SDAD1: variants seen among roughly 807,000 people sequenced by gnomAD.
SDAD1 encodes SDA1 domain containing 1, also known as protein SDA1 homolog.
A neutral mutation model predicts 100.3 loss-of-function variants in SDAD1; 79 were observed. That is an observed-to-expected ratio of 0.79 (90% CI 0.66 to 0.95). The LOEUF is 0.95. Among genes scored for constraint, SDAD1 ranks in the 40% least tolerant of loss-of-function variants. The pLI is 0.00. For synonymous variants in SDAD1, 267 were observed against 271.4 expected (o/e 0.98, Z 0.16); for missense variants, 790 against 810.9 (o/e 0.97, Z 0.31).
rs1016919113 is a variant in SDAD1 at position 75,950,494 on chromosome 4, T to TAGGC, written c.*252_*255dup. 5 of 398,408 alleles carry TAGGC rather than the reference T, an allele frequency of 1.3e-5. No homozygotes were observed. Among genetic ancestry groups the TAGGC allele is most frequent in the Non-Finnish European group, 2.3e-5 (5 of 213,830 alleles). 24.7% of individuals were successfully genotyped at this position (398,408 alleles called of 1,614,324 possible). ...GTTTTGCATCTACAGTGACAATGAATAGGCACTCAATACATACTTTTTTTT... is the reference window on the plus strand; with the variant it reads ...GTTTTGCATCTACAGTGACAATGAATAGGCAGGCACTCAATACATACTTTTTTTT... On this transcript the variant is annotated 3_prime_UTR_variant, in exon 22 of 22. Coordinates refer to ENST00000356260, the MANE Select transcript of SDAD1 (RefSeq NM_018115.4).
At position 75,950,597 on chromosome 4, in the gene SDAD1, A is replaced by G; in HGVS notation, c.*153T>C. On this transcript the variant is annotated 3_prime_UTR_variant, in exon 22 of 22. Transcript: ENST00000356260. ...ATTCCTACCATTAGCCGTCTCCAAA[A>G]TAAAAACACAAAATTGCTGCCACAT... The G allele has an allele frequency of 4.0e-6, 2 of 496,212 alleles. No individual in the cohort carries two copies. Among genetic ancestry groups the G allele is most frequent in the East Asian group, 2.9e-5 (1 of 34,324 alleles). The allele number at this position is 496,212 out of a possible 1,614,324, so 30.7% of individuals were successfully genotyped here. A position where few individuals can be genotyped will look rare whatever the true frequency, so the allele number is the denominator to read the frequency against.
chr4:75,958,314 A>G (rs1449709427), intron 17 of SDAD1, among the ~76,000 whole-genome samples: 4 of 152,126 alleles, frequency 2.6e-5, no homozygotes, highest in African/African-American at 4.8e-5. Context: ...AACTAAACCA[A>G]CTGTGTCCAT....
Position 75,950,498 on chromosome 4 carries a change from C to T in SDAD1, c.*252G>A. On this transcript the variant is annotated 3_prime_UTR_variant, in exon 22 of 22. Coordinates refer to ENST00000356260, the MANE Select transcript of SDAD1 (RefSeq NM_018115.4). ...TGCATCTACAGTGACAATGAATAGG[C>T]ACTCAATACATACTTTTTTTTGCAT... 4.9e-6 allele frequency: 2 copies of T among 410,132 alleles called. No individual in the cohort carries two copies. The highest frequency in any genetic ancestry group is 7.2e-5 in the Admixed American group (2 of 27,710). The allele number at this position is 410,132 out of a possible 1,614,324, so 25.4% of individuals were successfully genotyped here. A position where few individuals can be genotyped will look rare whatever the true frequency, so the allele number is the denominator to read the frequency against.
rs1276451766 is a variant in SDAD1, at chr4:75,974,123, T to C, written c.589A>G (p.Lys197Glu). 6.2e-7 allele frequency: 1 copy of C among 1,613,740 alleles called. No homozygotes were observed. The highest frequency in any genetic ancestry group is 1.1e-5 in the South Asian group (1 of 91,078). ...GCAGTTGTGATAACATTGACAGTTT[T>C]TGCATCATTCCTGGGGGAAGACAAT... ...LYRRNIWNDA[K>E]TVNVITTACF... The change falls in exon 7 of 22, where the codon AAA becomes GAA. Residue 197 changes from lysine (K) to glutamate (E), a missense_variant. Physicochemically the swap from Lys to Glu is moderately conservative, Grantham distance 56. Transcript: ENST00000356260.
chr4:75,961,543 C>A (rs1729230662), intron 14 of SDAD1, among the ~76,000 whole-genome samples: 1 of 152,046 alleles, frequency 6.6e-6, no homozygotes, highest in Non-Finnish European at 1.5e-5. Flanking sequence ...GTCCGGCACA[C>A]TAAATCAGAG....
chr4:75,984,107 G>A lies in SDAD1; in HGVS notation c.91-2070C>T, dbSNP rs576147681. 4.0e-5 allele frequency among the ~76,000 whole-genome samples: 6 copies of A among 151,688 alleles called. No individual in the cohort carries two copies. In the East Asian group the frequency reaches 1.2e-3, roughly 29 times the overall value. On this transcript the variant is annotated intron_variant, in intron 1 of 21. Transcript: ENST00000356260. ...AAGATCAGGTGGTTGTAGATGTGTG[G>A]CGTTATTTCTGAAGCCTCTGTTCTA... is the stretch of plus-strand genomic sequence containing the variant.
intron 13 of SDAD1, 54 bp from the exon 14 acceptor site, chr4:75,964,265 A>G: frequency 8.5e-7 from 1 of 1,177,256 alleles, no homozygotes; most frequent in Non-Finnish European, 1.3e-6. Flanking sequence ...GCATACACAA[A>G]CACATAAGAA....
At chr4:75,956,880 C>T (rs1056012977) in intron 20 of SDAD1, among the ~76,000 whole-genome samples, 2 of 152,164 alleles carry the variant, frequency 1.3e-5, no homozygotes, top group African/African-American at 2.4e-5. Context: ...GAGGCTGAGG[C>T]GGGTGGATCG....
chr4:75,973,069 GA>G (rs1729958407), intron 8 of SDAD1, among the ~76,000 whole-genome samples: 1 of 152,076 alleles, frequency 6.6e-6, no homozygotes, highest in African/African-American at 2.4e-5. Context: ...TACATAGTGA[GA>G]TATAGGTATA....
chr4:75,950,676 T>C lies in SDAD1; in HGVS notation c.*74A>G, dbSNP rs2149303830. The C allele has an allele frequency of 5.6e-6, 6 of 1,070,392 alleles. No homozygotes were observed. The highest frequency in any genetic ancestry group is 8.4e-6 in the Non-Finnish European group (6 of 712,044). 66.3% of individuals were successfully genotyped at this position (1,070,392 alleles called of 1,614,324 possible). A position where few individuals can be genotyped will look rare whatever the true frequency, so the allele number is the denominator to read the frequency against. On this transcript the variant is annotated 3_prime_UTR_variant, in exon 22 of 22. Coordinates refer to ENST00000356260, the MANE Select transcript of SDAD1 (RefSeq NM_018115.4). The stretch of plus-strand genomic sequence containing the variant: ...CTGGACTTTTTAATGTAAACAAACA[T>C]GCTTGATTTACCAATTTTCAGAGCA...
chr4:75,987,656 C>T (rs1730984074), intron 1 of SDAD1, among the ~76,000 whole-genome samples: 2 of 152,088 alleles, frequency 1.3e-5, no homozygotes, highest in Admixed American at 1.3e-4. Context: ...TGCCCGCCAC[C>T]ACACCTGGCT....
intron 17 of SDAD1, among the ~76,000 whole-genome samples, chr4:75,958,869 G>A (rs1381295257): frequency 1.3e-5 from 2 of 151,020 alleles, no homozygotes; most frequent in African/African-American, 2.4e-5. Flanking sequence ...AGGCTGAGGC[G>A]GGCGGATCAC....
chr4:75,964,008 C>T lies in SDAD1; in HGVS notation c.1181+127G>A. The T allele has an allele frequency of 6.4e-6, 4 of 626,998 alleles. No homozygotes were observed. The South Asian group carries it at 7.5e-5, about 12-fold the overall frequency. The allele number at this position is 626,998 out of a possible 1,614,324, so 38.8% of individuals were successfully genotyped here. The stretch of plus-strand genomic sequence containing the variant: ...AAAATTATCAAGCCTCCCAAAAAGA[C>T]TGAAATATATTTTAAACCAATTTTA... On this transcript the variant is annotated intron_variant, in intron 14 of 21. Transcript: ENST00000356260.
At position 75,981,278 on chromosome 4, in the gene SDAD1, A is replaced by C. The variant is rs181940963; in HGVS notation, c.294+94T>G. 4.7e-3 allele frequency: 5,393 copies of C among 1,139,656 alleles called. 39 individuals carry two copies. Among genetic ancestry groups the C allele is most frequent in the Middle Eastern group, 0.014 (68 of 4,988 alleles). 70.6% of individuals were successfully genotyped at this position (1,139,656 alleles called of 1,614,324 possible). A position where few individuals can be genotyped will look rare whatever the true frequency, so the allele number is the denominator to read the frequency against. On this transcript the variant is annotated intron_variant, in intron 3 of 21. Transcript: ENST00000356260. Reference sequence around the variant, plus strand: ...ATACATTATAATTTACGTTTTCTGAAGATAATTAGCTTAGAGGCTGTTCTC... The same window carrying C: ...ATACATTATAATTTACGTTTTCTGACGATAATTAGCTTAGAGGCTGTTCTC...
rs1560538408 is a variant in SDAD1, at chr4:75,960,071, T to C, written c.1478A>G (p.Asp493Gly). 5 of 1,608,544 alleles carry C rather than the reference T, an allele frequency of 3.1e-6. No homozygotes were observed. Among genetic ancestry groups the C allele is most frequent in the Non-Finnish European group, 4.2e-6 (5 of 1,178,960 alleles). The stretch of plus-strand genomic sequence containing the variant: ...AGGGTGAAATAAAAATCAACCTTCA[T>C]CATTTTCAGCATTCTCTTCTTTCTC... ...EVEKEENAENDEDGWESTSLS... is the reference protein window; with the variant it reads ...EVEKEENAENGEDGWESTSLS... Residue 493 changes from aspartate (D) to glycine (G), a missense_variant, in exon 17 of 22, where the codon GAT becomes GGT. Coordinates refer to ENST00000356260, the MANE Select transcript of SDAD1 (RefSeq NM_018115.4).
At chr4:75,990,673 C>T (rs765839828) in intron 1 of SDAD1, 79 bp downstream of exon 1, 47 of 1,606,734 alleles carry the variant, frequency 2.9e-5, no homozygotes, top group Non-Finnish European at 3.6e-5. Context: ...TGGATCCCAG[C>T]CCCACTCCAT....
At chr4:75,990,701 T>C in intron 1 of SDAD1, 51 bp downstream of exon 1, 1 of 1,611,388 alleles carries the variant, frequency 6.2e-7, no homozygotes, top group Non-Finnish European at 8.5e-7. Flanking sequence ...CGCACCGGCG[T>C]CTCAACCATC....
At chr4:75,952,713 A>G (rs1728681566) in intron 21 of SDAD1, among the ~76,000 whole-genome samples, 2 of 152,182 alleles carry the variant, frequency 1.3e-5, no homozygotes. Context: ...GTTGTGTCCA[A>G]TAGGGTAGCC....
At chr4:75,953,317 G>A (rs112463089) in intron 21 of SDAD1, among the ~76,000 whole-genome samples, 1 of 151,580 alleles carries the variant, frequency 6.6e-6, no homozygotes, top group Non-Finnish European at 1.5e-5. Flanking sequence ...AAGTAGGGGT[G>A]GGGGGAGCCC....
Sources: gnomAD v4.1 joint callset for allele counts (sites outside exome capture counted in the v4.1 genomes callset) on GRCh38, gnomAD v4.1.1 for gene constraint, MANE v1.5 for transcripts, NCBI Gene and HGNC (gene_info 2026-07-23, HGNC 2026-07-21) for gene names.